MAGI1: variants seen among roughly 807,000 people sequenced by gnomAD.
The protein encoded by MAGI1 is membrane associated guanylate kinase, WW and PDZ domain containing 1, also known as membrane-associated guanylate kinase, WW and PDZ domain-containing protein 1.
In MAGI1, 58 loss-of-function variants were observed where a neutral mutation model predicts 139.9. That is an observed-to-expected ratio of 0.41 (90% CI 0.34 to 0.52). The LOEUF is 0.52. MAGI1 is among the 20% of genes least tolerant of loss of function. The pLI is 0.12. For missense variants in MAGI1, 1,874 were observed against 1,901.6 expected (o/e 0.99, Z 0.27); for synonymous variants, 812 against 737.9 (o/e 1.10, Z -1.63).
intron 1 of MAGI1, among the ~76,000 whole-genome samples, chr3:65,660,511 A>T (rs2086133471): frequency 6.6e-6 from 1 of 152,256 alleles, no homozygotes; most frequent in South Asian, 2.1e-4. Context: ...AGGGAGGTCT[A>T]GTTACACAAA....
chr3:65,724,961 C>G (rs1347398477), intron 1 of MAGI1, among the ~76,000 whole-genome samples: 1 of 152,138 alleles, frequency 6.6e-6, no homozygotes, highest in Non-Finnish European at 1.5e-5. Context: ...AAGACGAAAT[C>G]TGGGTGGGGA....
At chr3:65,534,263 T>G (rs967750968) in intron 2 of MAGI1, among the ~76,000 whole-genome samples, 1 of 152,050 alleles carries the variant, frequency 6.6e-6, no homozygotes, top group Non-Finnish European at 1.5e-5. Flanking sequence ...GGTAGGATCA[T>G]TTGAGTCCAG....
rs575456789 is a variant in MAGI1, at chr3:66,036,668, G to A, written c.313+1328C>T. ...GCCGCCCCCTCCTCCATTTCATCTG[G>A]AGCACGCCTGTTTCCAAGAGAGGAC... On this transcript the variant is annotated intron_variant, in intron 1 of 22. Transcript: ENST00000402939. 7.6e-4 allele frequency among the ~76,000 whole-genome samples: 115 copies of A among 152,302 alleles called. 4 individuals are homozygous for A. In the South Asian group the frequency reaches 0.023, roughly 31 times the overall value.
chr3:65,651,930 T>C (rs1297376606), intron 1 of MAGI1, among the ~76,000 whole-genome samples: 1 of 152,202 alleles, frequency 6.6e-6, no homozygotes, highest in Non-Finnish European at 1.5e-5. Flanking sequence ...AATATTTATA[T>C]GTAAACATCT....
intron 1 of MAGI1, among the ~76,000 whole-genome samples, chr3:65,677,894 T>C (rs1179551566): frequency 6.6e-6 from 1 of 152,170 alleles, no homozygotes; most frequent in Non-Finnish European, 1.5e-5. Flanking sequence ...ACTTCACTGT[T>C]CACAAAAGCA....
At chr3:65,908,972 T>A (rs72905071) in intron 1 of MAGI1, among the ~76,000 whole-genome samples, 6 of 152,308 alleles carry the variant, frequency 3.9e-5, no homozygotes, top group African/African-American at 1.4e-4. Flanking sequence ...TTCTAAAATA[T>A]AGAGAATGAC....
At chr3:65,728,823 A>T (rs2033882820) in intron 1 of MAGI1, among the ~76,000 whole-genome samples, 1 of 152,162 alleles carries the variant, frequency 6.6e-6, no homozygotes, top group African/African-American at 2.4e-5. Flanking sequence ...CTGCATAAGC[A>T]CTATTCCTCT....
chr3:66,028,711 C>T (rs558286405), intron 1 of MAGI1, among the ~76,000 whole-genome samples: 1 of 152,084 alleles, frequency 6.6e-6, no homozygotes, highest in Non-Finnish European at 1.5e-5. Context: ...AATTCCTCAC[C>T]GAGGACAATG....
At chr3:65,733,929 G>A (rs762960095) in intron 1 of MAGI1, among the ~76,000 whole-genome samples, 1 of 152,124 alleles carries the variant, frequency 6.6e-6, no homozygotes, top group Non-Finnish European at 1.5e-5. Context: ...ATGCAGGTTT[G>A]CTGTTTAACA....
rs76093567 is a variant in MAGI1, at chr3:65,825,720, T to A, written c.314-203632A>T. Among the ~76,000 whole-genome samples, 28 of 152,344 alleles carry A rather than the reference T, an allele frequency of 1.8e-4. No individual in the cohort carries two copies. The East Asian group carries it at 4.8e-3, about 26-fold the overall frequency. ...ATAGATAATTTTCAGCCAGGCGCAG[T>A]GGCTCATGCCTGTAATCCCAGCACT... On this transcript the variant is annotated intron_variant, in intron 1 of 22. Coordinates refer to ENST00000402939, the MANE Select transcript of MAGI1 (RefSeq NM_001033057.2).
intron 1 of MAGI1, among the ~76,000 whole-genome samples, chr3:65,666,339 T>C (rs987475558): frequency 1.2e-4 from 18 of 152,198 alleles, no homozygotes; most frequent in African/African-American, 3.9e-4. Flanking sequence ...AAGAGAATGA[T>C]GACAAGACTC....
At chr3:65,502,538 C>T (rs2077122353) in intron 2 of MAGI1, among the ~76,000 whole-genome samples, 1 of 152,184 alleles carries the variant, frequency 6.6e-6, no homozygotes, top group Non-Finnish European at 1.5e-5. Flanking sequence ...GGGAGGATTG[C>T]TTGAACCCAG....
chr3:66,000,799 T>C (rs909252801), intron 1 of MAGI1, among the ~76,000 whole-genome samples: 20 of 152,318 alleles, frequency 1.3e-4, no homozygotes, highest in African/African-American at 4.8e-4. Context: ...CATATCAGGC[T>C]TTTACAGAAG....
chr3:65,691,118 C>G (rs6763374), intron 1 of MAGI1, among the ~76,000 whole-genome samples: 2 of 151,594 alleles, frequency 1.3e-5, no homozygotes, highest in Non-Finnish European at 2.9e-5. Flanking sequence ...TTGGCTAACA[C>G]GGGGAAACCC....
rs979413033 is a variant in MAGI1, at chr3:65,487,875, G to A, written c.550+5637C>T. ...CAGGTCCTCAACCTTCCTTTCAGAA[G>A]CTTTTATTCTAAAACTGAAGCCACC... On this transcript the variant is annotated intron_variant, in intron 3 of 22. Transcript: ENST00000402939. 2.0e-5 allele frequency among the ~76,000 whole-genome samples: 3 copies of A among 152,186 alleles called. No homozygotes were observed. In the East Asian group the frequency reaches 5.8e-4, roughly 29 times the overall value.
chr3:65,455,957 T>G (rs182816022), intron 5 of MAGI1, among the ~76,000 whole-genome samples: 2 of 152,224 alleles, frequency 1.3e-5, no homozygotes, highest in African/African-American at 4.8e-5. Context: ...TTCTAGTTTT[T>G]GGCTATTTGG....
rs1322610034 is a variant in MAGI1 at position 65,417,591 on chromosome 3, G to A, written c.2167+11929C>T. ...CCAGTTACTGGGATTTTGAGATGAT[G>A]GTGAAAAGAAAGTCCTAGGAAATGG... is the stretch of plus-strand genomic sequence containing the variant. On this transcript the variant is annotated intron_variant, in intron 12 of 22. Coordinates refer to ENST00000402939, the MANE Select transcript of MAGI1 (RefSeq NM_001033057.2). 4.6e-5 allele frequency among the ~76,000 whole-genome samples: 7 copies of A among 151,860 alleles called. No individual in the cohort carries two copies. The East Asian group carries it at 1.4e-3, about 30-fold the overall frequency.
In MAGI1 at chr3:65,429,565, C is replaced by T. The variant is rs1399969062; in HGVS notation, c.2122G>A (p.Glu708Lys). ...THNQVVDMLV[E>K]CPKGSEVTLL... ...GTGACCTCACTTCCCTTAGGACACT[C>T]AACCAGCATATCCACCACTTGGTTG... The change falls in exon 12 of 23, where the codon GAG becomes AAG. Residue 708 changes from glutamate to lysine, a missense_variant. Glu to Lys is a moderately conservative substitution (Grantham distance 56). Transcript: ENST00000402939. 1.2e-6 allele frequency: 2 copies of T among 1,613,770 alleles called. No individual in the cohort carries two copies.
At chr3:65,762,221 C>G (rs1430108027) in intron 1 of MAGI1, among the ~76,000 whole-genome samples, 2 of 152,144 alleles carry the variant, frequency 1.3e-5, no homozygotes, top group Non-Finnish European at 1.5e-5. Flanking sequence ...CCCCCTCCAA[C>G]GAGAATCACA....
Sources: gnomAD v4.1 joint callset for allele counts (sites outside exome capture counted in the v4.1 genomes callset) on GRCh38, gnomAD v4.1.1 for gene constraint, MANE v1.5 for transcripts, NCBI Gene and HGNC (gene_info 2026-07-23, HGNC 2026-07-21) for gene names.